The following HIBCH variants were observed in gnomAD, a reference collection of about 807,000 sequenced individuals.
The protein encoded by HIBCH is 3-hydroxyisobutyryl-CoA hydrolase.
In HIBCH, 50 loss-of-function variants were observed where a neutral mutation model predicts 58.2. The observed-to-expected ratio is 0.86, with a 90% CI of 0.68 to 1.09. The LOEUF (loss-of-function observed/expected upper bound fraction) is 1.09. Among genes scored for constraint, HIBCH ranks in the 50% least tolerant of loss-of-function variants. The pLI is 0.00. For synonymous variants in HIBCH, 151 were observed against 146.9 expected, an observed-to-expected ratio of 1.03 and a Z score of -0.20; for missense variants, 450 against 449.7, an observed-to-expected ratio of 1.00 and a Z score of -0.01.
intron 13 of HIBCH, among the ~76,000 whole-genome samples, chr2:190,205,947 C>A (rs909419609): frequency 2.6e-5 from 4 of 152,120 alleles, no homozygotes. Flanking sequence ...GGAAGGTATG[C>A]AAGATCTCTA....
At chr2:190,195,794 G>A (rs1393104620) in intron 1 of HIBCH, among the ~76,000 whole-genome samples, 1 of 152,046 alleles carries the variant, frequency 6.6e-6, no homozygotes, top group African/African-American at 2.4e-5. Context: ...AACACATCAT[G>A]CCTTTGGCAC....
intron 11 of HIBCH, among the ~76,000 whole-genome samples, chr2:190,220,038 G>C (rs1465228338): frequency 6.6e-6 from 1 of 152,170 alleles, no homozygotes; most frequent in Non-Finnish European, 1.5e-5. Flanking sequence ...TACAGCACTT[G>C]TTTACAGCAT....
chr2:190,298,426 T>C (rs1205233603), intron 2 of HIBCH, among the ~76,000 whole-genome samples: 1 of 152,202 alleles, frequency 6.6e-6, no homozygotes, highest in Admixed American at 6.5e-5. Flanking sequence ...GTTGCCTGAC[T>C]TTTTAATAAT....
rs145107484 is a variant in HIBCH at position 190,252,067 on chromosome 2, G to A, written c.663+95C>T. On this transcript the variant is annotated intron_variant, in intron 8 of 13. Transcript: ENST00000359678. ...CAGGATTCACACCACGATTTCACCA[G>A]AAGTCTGTGGCTCTCAACCACCCAT... The A allele has an allele frequency of 6.3e-4, 721 of 1,146,648 alleles. 1 individual carries two copies. The highest frequency in any genetic ancestry group is 4.0e-3 in the Middle Eastern group (16 of 4,028). The allele number at this position is 1,146,648 out of a possible 1,614,324, so 71.0% of individuals were successfully genotyped here. A position where few individuals can be genotyped will look rare whatever the true frequency, so the allele number is the denominator to read the frequency against.
chr2:190,284,584 C>T (rs965170907), intron 6 of HIBCH, among the ~76,000 whole-genome samples: 7 of 152,138 alleles, frequency 4.6e-5, no homozygotes, highest in African/African-American at 7.2e-5. Context: ...TACTAAATAA[C>T]GACTTAGTTG....
At chr2:190,246,867 G>A (rs1686622745) in intron 9 of HIBCH, among the ~76,000 whole-genome samples, 1 of 152,150 alleles carries the variant, frequency 6.6e-6, no homozygotes, top group Non-Finnish European at 1.5e-5. Context: ...TGGCTGGATG[G>A]TAGCAAAGTA....
Position 190,220,688 on chromosome 2 carries a change from G to A in HIBCH, c.892-7613C>T, listed in dbSNP as rs143701112. ...TGTGCTAACAGGCCCCACCCTTTCC[G>A]TAGGCAAGCAGAAGACACTGAGTCC... On this transcript the variant is annotated intron_variant, in intron 11 of 13. Coordinates refer to ENST00000359678, the MANE Select transcript of HIBCH (RefSeq NM_014362.4). Among the ~76,000 whole-genome samples, 1,003 of 151,526 alleles carry A rather than the reference G, an allele frequency of 6.6e-3. 12 individuals carry two copies. Among genetic ancestry groups the A allele is most frequent in the African/African-American group, 0.022 (913 of 41,298 alleles).
intron 8 of HIBCH, among the ~76,000 whole-genome samples, chr2:190,250,874 T>C (rs1475479251): frequency 1.3e-5 from 2 of 152,224 alleles, no homozygotes; most frequent in Non-Finnish European, 2.9e-5. Flanking sequence ...AGAATTCTAT[T>C]AGTGACCAAA....
At chr2:190,238,072 T>A (rs1686335494) in intron 11 of HIBCH, among the ~76,000 whole-genome samples, 1 of 152,218 alleles carries the variant, frequency 6.6e-6, no homozygotes, top group African/African-American at 2.4e-5. Context: ...AGTCTCTCAT[T>A]GTCAGGCATT....
chr2:190,209,037 G>C lies in HIBCH; in HGVS notation c.1012-124C>G. ...GCCACAACCTGAACCATGACATTCAGAGACTGAACCACCTCTGATAGCCCA... is the reference window on the plus strand; with the variant it reads ...GCCACAACCTGAACCATGACATTCACAGACTGAACCACCTCTGATAGCCCA... On this transcript the variant is annotated intron_variant, in intron 12 of 13. Transcript: ENST00000359678. The surrounding 1 kb of genome is among the most constrained non-coding windows in gnomAD (Gnocchi z 5.6). 1 of 814,240 alleles carries C rather than the reference G, an allele frequency of 1.2e-6. No homozygotes were observed. The highest frequency in any genetic ancestry group is 2.1e-6 in the Non-Finnish European group (1 of 483,614). The allele number at this position is 814,240 out of a possible 1,614,324, so 50.4% of individuals were successfully genotyped here.
At chr2:190,296,770 C>T in intron 3 of HIBCH, 43 bp downstream of exon 3, 1 of 1,539,046 alleles carries the variant, frequency 6.5e-7, no homozygotes, top group Non-Finnish European at 9.0e-7. Flanking sequence ...TTATGATATA[C>T]TTTGAAAAGA....
intron 11 of HIBCH, among the ~76,000 whole-genome samples, chr2:190,237,262 A>G (rs1686301289): frequency 6.6e-6 from 1 of 152,180 alleles, no homozygotes; most frequent in African/African-American, 2.4e-5. Flanking sequence ...TCTGTTTTCT[A>G]TTCAAATACT....
chr2:190,249,678 C>T lies in HIBCH; in HGVS notation c.712G>A (p.Glu238Lys), dbSNP rs777307274. ...TTTTCTAAGACAGATGCAATATTTTCTTTTGAAGGAGATTTCAAGGCTAAC... is the reference window on the plus strand; with the variant it reads ...TTTTCTAAGACAGATGCAATATTTTTTTTTGAAGGAGATTTCAAGGCTAAC... ...DLLALKSPSK[E>K]NIASVLENYH... The change falls in exon 9 of 14, where the codon GAA (glutamate) becomes AAA (lysine). Residue 238 changes from glutamate to lysine, a missense_variant. Glu to Lys is a moderately conservative substitution (Grantham distance 56, BLOSUM62 1). Coordinates refer to ENST00000359678, the MANE Select transcript of HIBCH (RefSeq NM_014362.4). 1.9e-6 allele frequency: 3 copies of T among 1,608,942 alleles called. No homozygotes were observed. The highest frequency in any genetic ancestry group is 1.7e-6 in the Non-Finnish European group (2 of 1,175,688).
rs1338108553 is a variant in HIBCH, at chr2:190,209,474, A to G, written c.1012-561T>C. 1.3e-5 allele frequency among the ~76,000 whole-genome samples: 2 copies of G among 152,184 alleles called. No homozygotes were observed. The highest frequency in any genetic ancestry group is 4.8e-5 in the African/African-American group (2 of 41,442). On this transcript the variant is annotated intron_variant, in intron 12 of 13. Coordinates refer to ENST00000359678, the MANE Select transcript of HIBCH (RefSeq NM_014362.4). This position sits in a 1 kb window ranked among gnomAD's most constrained non-coding sequence, Gnocchi z 5.6. ...CCAACTCCCCAAGATAATGATTTTA[A>G]GTGTTTTCTGCCTTCTCAACCTCTA...
intron 2 of HIBCH, among the ~76,000 whole-genome samples, chr2:190,298,215 T>C (rs922640203): frequency 2.6e-5 from 4 of 152,196 alleles, no homozygotes; most frequent in East Asian, 1.9e-4. Context: ...GCAATAAACA[T>C]ATGTGTACAT....
intron 11 of HIBCH, among the ~76,000 whole-genome samples, chr2:190,241,821 C>A (rs1024297442): frequency 1.4e-4 from 21 of 152,170 alleles, no homozygotes; most frequent in Non-Finnish European, 2.4e-4. Context: ...ATGGTTTCTA[C>A]ACAGGGATCT....
chr2:190,192,061 G>T (rs1689735149), intron 1 of HIBCH, among the ~76,000 whole-genome samples: 1 of 151,460 alleles, frequency 6.6e-6, no homozygotes, highest in Non-Finnish European at 1.5e-5. Flanking sequence ...CAAATGTTTT[G>T]TCTTCTTGTT....
chr2:190,235,479 A>C (rs939952784), intron 11 of HIBCH, among the ~76,000 whole-genome samples: 1 of 152,196 alleles, frequency 6.6e-6, no homozygotes, highest in Non-Finnish European at 1.5e-5. Context: ...TGTGTGAAAA[A>C]ATATTGAGGT....
chr2:190,286,932 T>C (rs16832512), intron 6 of HIBCH, among the ~76,000 whole-genome samples: 29,972 of 151,680 alleles, frequency 0.2, 3,245 homozygotes, highest in East Asian at 0.32. Flanking sequence ...TATTTTTAAG[T>C]AGAAAAAAGG....
Sources: allele counts gnomAD v4.1 joint callset (sites outside exome capture counted in the v4.1 genomes callset), GRCh38; gene constraint gnomAD v4.1.1; non-coding constraint Gnocchi (gnomAD v3.1); transcripts MANE v1.5; gene names NCBI Gene and HGNC (gene_info 2026-07-23, HGNC 2026-07-21).